FTCDNL1: variants seen among roughly 807,000 people sequenced by gnomAD.
FTCDNL1 encodes the protein formiminotransferase N-terminal subdomain-containing protein.
A neutral mutation model predicts 5.9 loss-of-function variants in FTCDNL1; 11 were observed. That is an observed-to-expected ratio of 1.87 (90% CI 1.18 to 3.10). FTCDNL1 has a LOEUF of 3.10. FTCDNL1 is among the 30% of genes most tolerant of loss of function. The pLI, the probability that FTCDNL1 is intolerant of heterozygous loss-of-function variation, is 0.00. For synonymous variants in FTCDNL1, 58 were observed against 24.8 expected (o/e 2.34, Z -3.99); for missense variants, 115 against 65.5 (o/e 1.76, Z -2.61).
At chr2:199,698,403 A>T in the FTCDNL1 span, among the ~76,000 whole-genome samples, 1 of 152,270 alleles carries the variant, frequency 6.6e-6, no homozygotes, top group East Asian at 1.9e-4. Flanking sequence ...ATTCTCGAAA[A>T]TTTTTTAAAA....
chr2:199,668,420 A>G, the FTCDNL1 span, among the ~76,000 whole-genome samples: 1 of 152,110 alleles, frequency 6.6e-6, no homozygotes, highest in Non-Finnish European at 1.5e-5. Context: ...CTCCCTTAAT[A>G]CAAGTAGACT....
chr2:199,829,267 G>A (rs969995755), intron 3 of FTCDNL1, among the ~76,000 whole-genome samples: 9 of 151,974 alleles, frequency 5.9e-5, no homozygotes, highest in African/African-American at 1.7e-4. Flanking sequence ...TTCTCTGGTC[G>A]TATTCTAAAA....
At chr2:199,819,973 C>T (rs1355703749) in intron 3 of FTCDNL1, among the ~76,000 whole-genome samples, 1 of 152,176 alleles carries the variant, frequency 6.6e-6, no homozygotes, top group East Asian at 1.9e-4. Flanking sequence ...AACATCAAAG[C>T]TTAAACAGAA....
chr2:199,753,266 A>ATATT, the FTCDNL1 span, among the ~76,000 whole-genome samples: 2 of 152,178 alleles, frequency 1.3e-5, no homozygotes, highest in Non-Finnish European at 2.9e-5. Flanking sequence ...TGAAAAACAA[A>ATATT]TAGGAGTTTC....
the FTCDNL1 span, among the ~76,000 whole-genome samples, chr2:199,749,457 T>C: frequency 1.3e-5 from 2 of 152,116 alleles, no homozygotes; most frequent in African/African-American, 4.8e-5. Flanking sequence ...ATGACACAAC[T>C]GAACTCACTG....
chr2:199,721,899 T>C, the FTCDNL1 span, among the ~76,000 whole-genome samples: 3 of 152,306 alleles, frequency 2.0e-5, no homozygotes, highest in African/African-American at 4.8e-5. Context: ...TTTTTATATA[T>C]GTTCGTTGGC....
At chr2:199,776,958 ATGTGTGTGTGTGTGTGTGTG>A (rs56145074) in intron 3 of FTCDNL1, among the ~76,000 whole-genome samples, 19 of 136,140 alleles carry the variant, frequency 1.4e-4, no homozygotes, top group South Asian at 7.4e-4. Flanking sequence ...ATGTGTGTAT[ATGTGTGTGTGTGTGTGTGTG>A]TGTGTGTGTG....
At chr2:199,789,385 T>C (rs1029593589) in intron 3 of FTCDNL1, among the ~76,000 whole-genome samples, 2 of 152,136 alleles carry the variant, frequency 1.3e-5, no homozygotes, top group African/African-American at 4.8e-5. Context: ...TTATTGAAAA[T>C]GTTAATAAAT....
intron 3 of FTCDNL1, among the ~76,000 whole-genome samples, chr2:199,829,225 C>T (rs1410596668): frequency 6.6e-6 from 1 of 152,190 alleles, no homozygotes; most frequent in Non-Finnish European, 1.5e-5. Flanking sequence ...GCTTTTCCCA[C>T]CGCTATGGTC....
At chr2:199,716,029 T>C in the FTCDNL1 span, among the ~76,000 whole-genome samples, 4 of 101,084 alleles carry the variant, frequency 4.0e-5, no homozygotes, top group Non-Finnish European at 7.3e-5. Context: ...CTACTGCCTC[T>C]AGTTAAAAAA....
the FTCDNL1 span, among the ~76,000 whole-genome samples, chr2:199,672,008 ACT>A: frequency 6.6e-6 from 1 of 151,406 alleles, no homozygotes; most frequent in Non-Finnish European, 1.5e-5. Context: ...CCAGATTCAG[ACT>A]CTCCCACGTT....
chr2:199,757,148 G>A (rs1006704126), downstream of FTCDNL1, among the ~76,000 whole-genome samples: 3 of 152,184 alleles, frequency 2.0e-5, no homozygotes, highest in South Asian at 4.1e-4. Flanking sequence ...GTGCCTAAAA[G>A]GAAGGAAGAA....
chr2:199,760,375 C>T (rs974203243), downstream of FTCDNL1, among the ~76,000 whole-genome samples: 2 of 152,164 alleles, frequency 1.3e-5, no homozygotes, highest in African/African-American at 2.4e-5. Context: ...AGCTTATTGA[C>T]AACCCTGTCA....
chr2:199,768,944 G>A (rs889086774), intron 3 of FTCDNL1, among the ~76,000 whole-genome samples: 2 of 152,074 alleles, frequency 1.3e-5, no homozygotes, highest in African/African-American at 4.8e-5. Flanking sequence ...GAATGTTAGG[G>A]GGTGTTCTGC....
the FTCDNL1 span, among the ~76,000 whole-genome samples, chr2:199,740,638 A>G: frequency 6.6e-6 from 1 of 152,162 alleles, no homozygotes; most frequent in African/African-American, 2.4e-5. Flanking sequence ...GGCCCATCCA[A>G]TGGATTCATT....
the FTCDNL1 span, among the ~76,000 whole-genome samples, chr2:199,689,041 A>G: frequency 6.6e-6 from 1 of 152,362 alleles, no homozygotes; most frequent in African/African-American, 2.4e-5. Context: ...AGCATTATTT[A>G]TAATACCAAA....
intron 3 of FTCDNL1, among the ~76,000 whole-genome samples, chr2:199,832,511 T>C (rs1394527486): frequency 6.6e-6 from 1 of 152,206 alleles, no homozygotes; most frequent in Non-Finnish European, 1.5e-5. Flanking sequence ...ATTTTGCAAA[T>C]GAAGAACTGA....
At chr2:199,741,860 A>G in the FTCDNL1 span, among the ~76,000 whole-genome samples, 1 of 152,220 alleles carries the variant, frequency 6.6e-6, no homozygotes, top group East Asian at 1.9e-4. Flanking sequence ...AATATATTGG[A>G]CCACAGAATG....
downstream of FTCDNL1, among the ~76,000 whole-genome samples, chr2:199,809,193 T>A (rs1700890492): frequency 6.6e-6 from 1 of 151,114 alleles, no homozygotes; most frequent in Non-Finnish European, 1.5e-5. Flanking sequence ...AAGAATCAAA[T>A]GTAAGTAAAA....
Sources: allele counts gnomAD v4.1 joint callset (sites outside exome capture counted in the v4.1 genomes callset), GRCh38; gene constraint gnomAD v4.1.1; transcripts MANE v1.5; gene names NCBI Gene and HGNC (gene_info 2026-07-23, HGNC 2026-07-21).